The following MNAT1 variants were observed in gnomAD, a reference collection of about 807,000 sequenced individuals.
MNAT1 encodes MNAT1 component of CDK activating kinase.
Under a neutral mutation model 42.0 loss-of-function variants are expected in MNAT1, and 43 were observed. That is an observed-to-expected ratio of 1.02 (90% CI 0.80 to 1.32). MNAT1 has a LOEUF of 1.32. MNAT1 is among the 40% of genes most tolerant of loss of function. MNAT1 has a pLI of 0.00. For missense variants in MNAT1, 306 were observed against 350.4 expected, an observed-to-expected ratio of 0.87 and a Z score of 1.01; for synonymous variants, 118 against 120.0, an observed-to-expected ratio of 0.98 and a Z score of 0.11.
chr14:60,940,733 TCTTA>T (rs1215677435), intron 7 of MNAT1, among the ~76,000 whole-genome samples: 3 of 152,326 alleles, frequency 2.0e-5, no homozygotes, highest in Non-Finnish European at 2.9e-5. Context: ...CTCAAAGCTT[TCTTA>T]CTTATTTATC....
At chr14:60,954,335 T>C (rs894923206) in intron 7 of MNAT1, among the ~76,000 whole-genome samples, 1 of 152,226 alleles carries the variant, frequency 6.6e-6, no homozygotes, top group Non-Finnish European at 1.5e-5. Flanking sequence ...ATTTTATCAA[T>C]GTTAATTCTT....
chr14:60,761,936 A>C (rs2030616826), intron 1 of MNAT1, among the ~76,000 whole-genome samples: 1 of 152,224 alleles, frequency 6.6e-6, no homozygotes, highest in African/African-American at 2.4e-5. Context: ...AGCATATATA[A>C]ATTAATGTCC....
At chr14:60,889,673 A>C (rs2034785252) in intron 7 of MNAT1, among the ~76,000 whole-genome samples, 3 of 152,160 alleles carry the variant, frequency 2.0e-5, no homozygotes, top group Non-Finnish European at 1.5e-5. Context: ...CAACCTACAA[A>C]ATGGGAGAAA....
chr14:60,952,752 T>C (rs2036408329), intron 7 of MNAT1, among the ~76,000 whole-genome samples: 1 of 152,088 alleles, frequency 6.6e-6, no homozygotes, highest in African/African-American at 2.4e-5. Context: ...TGGACTATAA[T>C]TAAGATAGAA....
In MNAT1 at chr14:60,734,787, G is replaced by T. The variant is rs1896254452; in HGVS notation, c.-76G>T. The T allele has an allele frequency of 1.5e-6, 2 of 1,376,714 alleles. No homozygotes were observed. Among genetic ancestry groups the T allele is most frequent in the Non-Finnish European group, 2.1e-6 (2 of 969,072 alleles). 85.3% of individuals were successfully genotyped at this position (1,376,714 alleles called of 1,614,324 possible). ...AGCGCCTGTTGGTAGGAACCTGCTTGGTCGCGTCTGAGGGGGCTTGTAGGT... is the reference window on the plus strand; with the variant it reads ...AGCGCCTGTTGGTAGGAACCTGCTTTGTCGCGTCTGAGGGGGCTTGTAGGT... On this transcript the variant is annotated 5_prime_UTR_variant, in exon 1 of 8. Transcript: ENST00000261245. This position sits in a 1 kb window ranked among gnomAD's most constrained non-coding sequence, Gnocchi z 4.3.
intron 7 of MNAT1, among the ~76,000 whole-genome samples, chr14:60,964,130 C>G (rs912886641): frequency 1.2e-4 from 18 of 152,186 alleles, no homozygotes; most frequent in African/African-American, 4.3e-4. Flanking sequence ...CTTTCTGAAG[C>G]TAAGTGTAAA....
intron 1 of MNAT1, among the ~76,000 whole-genome samples, chr14:60,770,778 A>T (rs1594741074): frequency 6.6e-6 from 1 of 152,102 alleles, no homozygotes; most frequent in Non-Finnish European, 1.5e-5. Flanking sequence ...CTTAATTTGT[A>T]TATTTGTTCT....
intron 7 of MNAT1, among the ~76,000 whole-genome samples, chr14:60,903,380 C>T (rs1330093095): frequency 6.6e-6 from 1 of 152,066 alleles, no homozygotes; most frequent in Non-Finnish European, 1.5e-5. Context: ...CAGCTGAAAA[C>T]TTCAAGTTCA....
intron 7 of MNAT1, among the ~76,000 whole-genome samples, chr14:60,954,159 C>T (rs768978858): frequency 5.3e-5 from 8 of 151,932 alleles, no homozygotes; most frequent in Non-Finnish European, 5.9e-5. Flanking sequence ...TTGTTCATTT[C>T]CTTAAGCTTT....
intron 6 of MNAT1, among the ~76,000 whole-genome samples, chr14:60,866,579 G>A (rs189695579): frequency 6.6e-6 from 1 of 152,122 alleles, no homozygotes; most frequent in African/African-American, 2.4e-5. Context: ...GGGAGACAAT[G>A]CTGTTCCTTT....
intron 7 of MNAT1, among the ~76,000 whole-genome samples, chr14:60,937,004 T>C (rs571040908): frequency 2.0e-5 from 3 of 151,690 alleles, no homozygotes; most frequent in African/African-American, 7.3e-5. Flanking sequence ...TCATGTGTTT[T>C]TTGGCTGCAT....
intron 4 of MNAT1, among the ~76,000 whole-genome samples, chr14:60,810,602 G>C (rs1278933749): frequency 6.6e-6 from 1 of 152,086 alleles, no homozygotes; most frequent in Non-Finnish European, 1.5e-5. Context: ...TTGACCCAAT[G>C]ATTATTTGAG....
intron 1 of MNAT1, among the ~76,000 whole-genome samples, chr14:60,750,877 G>T (rs117574584): frequency 6.6e-6 from 1 of 152,132 alleles, no homozygotes; most frequent in African/African-American, 2.4e-5. Context: ...AGCAGCCACT[G>T]AAGAGAAATT....
intron 7 of MNAT1, among the ~76,000 whole-genome samples, chr14:60,922,069 G>T (rs1363165505): frequency 6.6e-6 from 1 of 152,036 alleles, no homozygotes; most frequent in East Asian, 1.9e-4. Context: ...GGTAATAAAT[G>T]TCGGAAAAAA....
intron 1 of MNAT1, among the ~76,000 whole-genome samples, chr14:60,752,292 A>G (rs1219840259): frequency 2.0e-5 from 3 of 152,234 alleles, no homozygotes; most frequent in African/African-American, 4.8e-5. Flanking sequence ...CTATTGGAGC[A>G]TAAGTGAGGA....
chr14:60,734,764 C>G lies in MNAT1; in HGVS notation c.-99C>G, dbSNP rs983673251. 1 of 1,044,536 alleles carries G rather than the reference C, an allele frequency of 9.6e-7. No homozygotes were observed. Among genetic ancestry groups the G allele is most frequent in the Non-Finnish European group, 1.5e-6 (1 of 681,776 alleles). The allele number at this position is 1,044,536 out of a possible 1,614,324, so 64.7% of individuals were successfully genotyped here. A position where few individuals can be genotyped will look rare whatever the true frequency, so the allele number is the denominator to read the frequency against. On this transcript the variant is annotated 5_prime_UTR_variant, in exon 1 of 8. Transcript: ENST00000261245. The surrounding 1 kb of genome is among the most constrained non-coding windows in gnomAD (Gnocchi z 4.3). The stretch of plus-strand genomic sequence containing the variant: ...TCGCGAAGGGACCGTCTCTGCCAAG[C>G]GCCTGTTGGTAGGAACCTGCTTGGT...
At chr14:60,850,095 C>T (rs1451506551) in intron 6 of MNAT1, among the ~76,000 whole-genome samples, 1 of 152,092 alleles carries the variant, frequency 6.6e-6, no homozygotes, top group East Asian at 1.9e-4. Context: ...CCTCAGCCTC[C>T]CAAAGTACTG....
At chr14:60,948,981 A>G (rs987659419) in intron 7 of MNAT1, among the ~76,000 whole-genome samples, 1 of 152,190 alleles carries the variant, frequency 6.6e-6, no homozygotes, top group Admixed American at 6.5e-5. Flanking sequence ...TTCTCTTACT[A>G]TAATCTCCTT....
chr14:60,925,379 C>G (rs1163273048), intron 7 of MNAT1, among the ~76,000 whole-genome samples: 1 of 152,034 alleles, frequency 6.6e-6, no homozygotes, highest in Non-Finnish European at 1.5e-5. Context: ...TGGAAGCAAT[C>G]CCCCACAGAT....
Sources: gnomAD v4.1 joint callset for allele counts (sites outside exome capture counted in the v4.1 genomes callset) on GRCh38, gnomAD v4.1.1 for gene constraint, Gnocchi (gnomAD v3.1) non-coding constraint, MANE v1.5 for transcripts, NCBI Gene and HGNC (gene_info 2026-07-23, HGNC 2026-07-21) for gene names.